Variants in BOLL observed in about 807,000 individuals in gnomAD.
The protein encoded by BOLL is protein boule-like.
Under a neutral mutation model 44.4 loss-of-function variants are expected in BOLL, and 23 were observed. The observed-to-expected ratio is 0.52, with a 90% CI of 0.37 to 0.73. BOLL has a LOEUF of 0.73. Among genes scored for constraint, BOLL ranks in the 30% least tolerant of loss-of-function variants. BOLL has a pLI of 0.00. For synonymous variants in BOLL, 97 were observed against 110.8 expected (o/e 0.88, Z 0.78); for missense variants, 287 against 338.3 (o/e 0.85, Z 1.19).
At chr2:197,769,889 T>G (rs1199558045) in intron 6 of BOLL, among the ~76,000 whole-genome samples, 1 of 152,116 alleles carries the variant, frequency 6.6e-6, no homozygotes, top group Non-Finnish European at 1.5e-5. Flanking sequence ...TGCTCATGGA[T>G]AGGAAGAATC....
Position 197,779,012 on chromosome 2 carries a change from C to G in BOLL, c.184G>C (p.Val62Leu). Reference sequence around the variant, plus strand: ...CCAGCTCTGTCATTTACAATCTTCACTTCTTTCACAGACCCATACTGGGAA... The same window carrying G: ...CCAGCTCTGTCATTTACAATCTTCAGTTCTTTCACAGACCCATACTGGGAA... ...FFSQYGSVKE[V>L]KIVNDRAGVS... The change falls in exon 3 of 11, where the codon GTG becomes CTG. Residue 62 changes from valine (V) to leucine (L), a missense_variant. Coordinates refer to ENST00000392296, the MANE Select transcript of BOLL (RefSeq NM_033030.6). The G allele has an allele frequency of 6.2e-7, 1 of 1,611,710 alleles. No homozygotes were observed. Among genetic ancestry groups the G allele is most frequent in the East Asian group, 2.2e-5 (1 of 44,808 alleles).
In BOLL at chr2:197,784,894, G is replaced by A. The variant is rs1267716767; in HGVS notation, c.-16+162C>T. 6.1e-6 allele frequency: 6 copies of A among 987,046 alleles called. No homozygotes were observed. The Admixed American group carries it at 3.7e-4, about 61-fold the overall frequency. The allele number at this position is 987,046 out of a possible 1,614,324, so 61.1% of individuals were successfully genotyped here. On this transcript the variant is annotated intron_variant, in intron 1 of 10. Coordinates refer to ENST00000392296, the MANE Select transcript of BOLL (RefSeq NM_033030.6). The stretch of plus-strand genomic sequence containing the variant: ...AAACACCTAGATGGGGACTGTTGCC[G>A]GGTTTGAAGGCTCCTCCGTTTGCTA...
chr2:197,729,196 G>T (rs1237648699), intron 10 of BOLL, among the ~76,000 whole-genome samples: 2 of 152,198 alleles, frequency 1.3e-5, no homozygotes, highest in Non-Finnish European at 2.9e-5. Flanking sequence ...CCCTTTCTGA[G>T]TCAAAGAAAG....
chr2:197,776,973 G>T, intron 4 of BOLL, 86 bp downstream of exon 4: 1 of 1,053,958 alleles, frequency 9.5e-7, no homozygotes, highest in Non-Finnish European at 1.4e-6. Flanking sequence ...TTAAAAAGCA[G>T]TTGATTATTG....
At chr2:197,761,349 C>A (rs1228840618) in intron 7 of BOLL, among the ~76,000 whole-genome samples, 1 of 151,900 alleles carries the variant, frequency 6.6e-6, no homozygotes, top group East Asian at 1.9e-4. Context: ...CTAGATTGGC[C>A]TTACAAAAAA....
chr2:197,742,565 C>CA (rs1415722709), intron 10 of BOLL, among the ~76,000 whole-genome samples: 2 of 150,904 alleles, frequency 1.3e-5, no homozygotes, highest in African/African-American at 4.9e-5. Context: ...ATTGCAAGGA[C>CA]AAAAAACCAA....
At chr2:197,772,881 C>T (rs192918074) in intron 5 of BOLL, among the ~76,000 whole-genome samples, 129 of 152,012 alleles carry the variant, frequency 8.5e-4, no homozygotes, top group African/African-American at 3.0e-3. Flanking sequence ...AAATTGTTTT[C>T]TAAAATGCAA....
Position 197,785,161 on chromosome 2 carries a change from G to C in BOLL, c.-121C>G. 6 of 985,966 alleles carry C rather than the reference G, an allele frequency of 6.1e-6. No homozygotes were observed. The highest frequency in any genetic ancestry group is 7.2e-6 in the Non-Finnish European group (6 of 829,926). The allele number at this position is 985,966 out of a possible 1,614,324, so 61.1% of individuals were successfully genotyped here. Reference sequence around the variant, plus strand: ...CTTCCTCGAGTTCTCTCGGGTCATCGTGAACTTGGGCACCGAAACGAGGAT... The same window carrying C: ...CTTCCTCGAGTTCTCTCGGGTCATCCTGAACTTGGGCACCGAAACGAGGAT... On this transcript the variant is annotated 5_prime_UTR_variant, in exon 1 of 11. Coordinates refer to ENST00000392296, the MANE Select transcript of BOLL (RefSeq NM_033030.6). The surrounding 1 kb of genome is among the most constrained non-coding windows in gnomAD (Gnocchi z 6.7).
chr2:197,757,290 C>A, intron 8 of BOLL, 63 bp downstream of exon 8: 1 of 1,377,084 alleles, frequency 7.3e-7, no homozygotes, highest in Non-Finnish European at 1.0e-6. Flanking sequence ...AGTATTCATG[C>A]AGTCATCACA....
chr2:197,762,856 T>G (rs1327326509), intron 7 of BOLL, among the ~76,000 whole-genome samples: 2 of 151,926 alleles, frequency 1.3e-5, no homozygotes, highest in African/African-American at 4.8e-5. Flanking sequence ...CCAAAATTAG[T>G]AGAAGAAAAG....
At chr2:197,740,541 A>C (rs948672843) in intron 10 of BOLL, among the ~76,000 whole-genome samples, 5 of 152,166 alleles carry the variant, frequency 3.3e-5, no homozygotes, top group African/African-American at 1.2e-4. Context: ...CTTTGGCCTG[A>C]ATCTGACTAA....
At chr2:197,754,809 C>A (rs189450162) in intron 9 of BOLL, among the ~76,000 whole-genome samples, 128 of 151,424 alleles carry the variant, frequency 8.5e-4, no homozygotes, top group African/African-American at 3.0e-3. Context: ...ACAATATAGG[C>A]AATACTATTC....
intron 9 of BOLL, among the ~76,000 whole-genome samples, chr2:197,748,999 C>T (rs529827961): frequency 6.6e-6 from 1 of 152,370 alleles, no homozygotes; most frequent in East Asian, 1.9e-4. Context: ...CAGTTGGCAT[C>T]TGGTGGGTGT....
At chr2:197,748,945 T>C (rs1244404123) in intron 9 of BOLL, among the ~76,000 whole-genome samples, 2 of 152,304 alleles carry the variant, frequency 1.3e-5, no homozygotes, top group Admixed American at 6.5e-5. Flanking sequence ...GACTGGGAGA[T>C]ACCTCCTAGC....
chr2:197,778,493 AT>A (rs1689616228), intron 3 of BOLL, among the ~76,000 whole-genome samples: 1 of 151,876 alleles, frequency 6.6e-6, no homozygotes. Flanking sequence ...AATTTTCATT[AT>A]CATTGATATA....
intron 7 of BOLL, 109 bp downstream of exon 7, chr2:197,766,423 C>G: frequency 1.1e-6 from 1 of 906,872 alleles, no homozygotes; most frequent in Non-Finnish European, 1.8e-6. Flanking sequence ...CTCTAATGAA[C>G]TATCTCTTTG....
At chr2:197,756,390 G>A in intron 9 of BOLL, 38 bp downstream of exon 9, 2 of 1,479,316 alleles carry the variant, frequency 1.4e-6, no homozygotes, top group East Asian at 2.5e-5. Context: ...GTTAACATGA[G>A]GTAGTTATAG....
chr2:197,757,480 T>C, intron 7 of BOLL, 80 bp from the exon 8 acceptor site: 1 of 1,273,810 alleles, frequency 7.9e-7, no homozygotes, highest in Non-Finnish European at 1.1e-6. Context: ...GGCAAAAATA[T>C]GAAGTTGGAC....
At position 197,771,975 on chromosome 2, in the gene BOLL, A is replaced by C; in HGVS notation, c.360T>G (p.Ser120Arg). The C allele has an allele frequency of 6.4e-7, 1 of 1,570,748 alleles. No individual in the cohort carries two copies. Among genetic ancestry groups the C allele is most frequent in the Non-Finnish European group, 8.7e-7 (1 of 1,153,128 alleles). ...RKQQVGIPRS[S>R]IMPAAGTMYL... ...ACATTGTTCCAGCTGCTGGCATTAT[A>C]CTAGAACCTAAAGCAAAGATTAAAT... Residue 120 changes from serine to arginine, a missense_variant, in exon 6 of 11, where the codon AGT becomes AGG. Transcript: ENST00000392296.
Sources: allele counts gnomAD v4.1 joint callset (sites outside exome capture counted in the v4.1 genomes callset), GRCh38; gene constraint gnomAD v4.1.1; non-coding constraint Gnocchi (gnomAD v3.1); transcripts MANE v1.5; gene names NCBI Gene and HGNC (gene_info 2026-07-23, HGNC 2026-07-21).